PATJ: variants seen among roughly 807,000 people sequenced by gnomAD.
PATJ encodes PATJ crumbs cell polarity complex component, also known as inaD-like protein.
In PATJ, 190 loss-of-function variants were observed where a neutral mutation model predicts 224.9. That is an observed-to-expected ratio of 0.84 (90% confidence interval 0.75 to 0.95). The LOEUF (loss-of-function observed/expected upper bound fraction) is 0.95, where lower values mean the gene tolerates loss of function less well. PATJ is among the 40% of genes least tolerant of loss of function. PATJ has a pLI of 0.00. For synonymous variants in PATJ, 769 were observed against 820.3 expected (o/e 0.94, Z 1.07); for missense variants, 2,121 against 2,270.3 (o/e 0.93, Z 1.34).
At chr1:62,120,824 T>C (rs1664957565) in intron 37 of PATJ, 1 of 199,022 alleles carries the variant, frequency 5.0e-6, no homozygotes. Flanking sequence ...AAATGAAACA[T>C]AGTGCCCATT....
At chr1:61,775,158 C>T (rs1240512712) in intron 6 of PATJ, 48 bp from the exon 7 acceptor site, 1 of 1,542,352 alleles carries the variant, frequency 6.5e-7, no homozygotes. Flanking sequence ...AGCTAAGAAC[C>T]TGTGTGTATT....
At chr1:61,959,514 A>C (rs1283125490) in intron 27 of PATJ, among the ~76,000 whole-genome samples, 5 of 146,872 alleles carry the variant, frequency 3.4e-5, no homozygotes, top group Non-Finnish European at 7.4e-5. Context: ...GGCTCACTGC[A>C]GCCTCGACCC....
intron 23 of PATJ, among the ~76,000 whole-genome samples, chr1:61,899,915 T>C (rs1261261620): frequency 2.6e-5 from 4 of 152,250 alleles, no homozygotes; most frequent in African/African-American, 9.6e-5. Context: ...AAGTATAGTT[T>C]ATCACTATGT....
At chr1:61,814,130 C>CTTTTTTTTTT (rs762502160) in intron 14 of PATJ, among the ~76,000 whole-genome samples, 11 of 85,896 alleles carry the variant, frequency 1.3e-4, no homozygotes, top group African/African-American at 2.9e-4. Flanking sequence ...TTATTCTCTT[C>CTTTTTTTTTT]TTTTTTTTTT....
intron 24 of PATJ, among the ~76,000 whole-genome samples, chr1:61,904,697 T>C (rs1671632708): frequency 6.6e-6 from 1 of 152,210 alleles, no homozygotes; most frequent in South Asian, 2.1e-4. Context: ...TCAGGAAACT[T>C]ATAATCATGG....
At chr1:61,908,949 TA>T (rs1672227838) in intron 25 of PATJ, among the ~76,000 whole-genome samples, 1 of 152,236 alleles carries the variant, frequency 6.6e-6, no homozygotes, top group South Asian at 2.1e-4. Flanking sequence ...ATTCCAAATG[TA>T]AAAACAGCAA....
chr1:62,001,791 C>T (rs934155777), intron 28 of PATJ, among the ~76,000 whole-genome samples: 17 of 151,982 alleles, frequency 1.1e-4, no homozygotes, highest in Admixed American at 6.6e-4. Context: ...GCCATTTTCA[C>T]GATATTGATT....
chr1:62,122,908 A>G (rs1665256371), intron 38 of PATJ, 113 bp from the exon 39 acceptor site: 2 of 578,462 alleles, frequency 3.5e-6, no homozygotes, highest in Non-Finnish European at 5.6e-6. Flanking sequence ...TGCTTGCTTT[A>G]GTGTCTTCTC....
chr1:62,128,709 A>G, intron 40 of PATJ, 132 bp from the exon 41 acceptor site: 1 of 670,556 alleles, frequency 1.5e-6, no homozygotes, highest in East Asian at 2.7e-5. Flanking sequence ...TTGAACATGC[A>G]TGCACGGTAG....
chr1:62,108,288 A>G (rs1663352779), intron 33 of PATJ, 149 bp from the exon 34 acceptor site: 3 of 476,296 alleles, frequency 6.3e-6, no homozygotes, highest in Admixed American at 3.4e-5. Flanking sequence ...ACCTCTGAAT[A>G]TATCATAACT....
In PATJ at chr1:61,805,386, T is replaced by A. The variant is rs1220768810; in HGVS notation, c.1550-62T>A. Reference sequence around the variant, plus strand: ...GTTATTGAAGAATTTAGCAGTTAAGTGTGTTTGGCTCACAGTAGTTTCAAC... The same window carrying A: ...GTTATTGAAGAATTTAGCAGTTAAGAGTGTTTGGCTCACAGTAGTTTCAAC... On this transcript the variant is annotated intron_variant, in intron 12 of 43. Transcript: ENST00000642238. 9 of 988,132 alleles carry A rather than the reference T, an allele frequency of 9.1e-6. No individual in the cohort carries two copies. In the East Asian group the frequency reaches 1.9e-4, roughly 21 times the overall value. The allele number at this position is 988,132 out of a possible 1,614,324, so 61.2% of individuals were successfully genotyped here.
intron 26 of PATJ, among the ~76,000 whole-genome samples, chr1:61,918,805 T>G (rs1390773891): frequency 1.3e-5 from 2 of 151,902 alleles, no homozygotes; most frequent in Non-Finnish European, 2.9e-5. Context: ...CTCTACAAAA[T>G]ATAAAATATT....
chr1:61,870,122 G>A (rs570435777), intron 20 of PATJ, among the ~76,000 whole-genome samples: 20 of 152,316 alleles, frequency 1.3e-4, no homozygotes, highest in East Asian at 1.9e-4. Flanking sequence ...GCTCCTGAGC[G>A]CTTTCTGGTA....
At chr1:61,879,062 G>A (rs111809854) in intron 21 of PATJ, among the ~76,000 whole-genome samples, 6,546 of 152,326 alleles carry the variant, frequency 0.043, 153 homozygotes, top group African/African-American at 0.053. Flanking sequence ...GGGATTACAG[G>A]CGTGAGCCAC....
At position 62,060,147 on chromosome 1, in the gene PATJ, C is replaced by T. The variant is rs79481780; in HGVS notation, c.4125+9089C>T. Among the ~76,000 whole-genome samples the T allele has an allele frequency of 4.7e-3, 711 of 152,182 alleles. 9 individuals are homozygous for T. Among genetic ancestry groups the T allele is most frequent in the African/African-American group, 0.016 (677 of 41,534 alleles). ...CAATACCATCCACCTGGATTCTATGCTTATTTGTTAGGAACTGAGCAGAAA... is the reference window on the plus strand; with the variant it reads ...CAATACCATCCACCTGGATTCTATGTTTATTTGTTAGGAACTGAGCAGAAA... On this transcript the variant is annotated intron_variant, in intron 31 of 43. Coordinates refer to ENST00000642238, the MANE Select transcript of PATJ (RefSeq NM_001350145.3).
intron 41 of PATJ, among the ~76,000 whole-genome samples, chr1:62,146,976 A>C (rs1668101486): frequency 6.6e-6 from 1 of 151,978 alleles, no homozygotes; most frequent in East Asian, 1.9e-4. Flanking sequence ...CATTTTAGAC[A>C]TGTTAGCTTT....
chr1:61,952,123 G>C (rs1302971659), intron 27 of PATJ: 2 of 434,724 alleles, frequency 4.6e-6, no homozygotes, highest in Non-Finnish European at 8.3e-6. Context: ...CTCCGGCATA[G>C]TTTTCCAGGC....
At chr1:61,986,698 G>T (rs748245999) in intron 27 of PATJ, among the ~76,000 whole-genome samples, 52 of 152,132 alleles carry the variant, frequency 3.4e-4, no homozygotes, top group Non-Finnish European at 8.8e-5. Context: ...ATGAGCCACT[G>T]TATCCAGCTT....
chr1:62,154,412 T>TA (rs1012018740), intron 43 of PATJ, among the ~76,000 whole-genome samples: 54 of 152,032 alleles, frequency 3.6e-4, no homozygotes, highest in African/African-American at 1.3e-3. Flanking sequence ...CTCACGTCTG[T>TA]AATCCCAACA....
Sources: gnomAD v4.1 joint callset for allele counts (sites outside exome capture counted in the v4.1 genomes callset) on GRCh38, gnomAD v4.1.1 for gene constraint, MANE v1.5 for transcripts, NCBI Gene and HGNC (gene_info 2026-07-23, HGNC 2026-07-21) for gene names.